SELENOK: variants seen among roughly 807,000 people sequenced by gnomAD.
SELENOK encodes the protein selenoprotein K.
SELENOK carries 11 observed loss-of-function variants against 17.3 expected under a neutral mutation model. The ratio of observed to expected loss-of-function variants is 0.63; its 90% confidence interval spans 0.40 to 1.05. SELENOK has a LOEUF of 1.05. Ranked by LOEUF, SELENOK falls within the 50% of genes least tolerant of loss-of-function variation. The pLI, the probability that SELENOK is intolerant of heterozygous loss-of-function variation, is 0.00. For synonymous variants in SELENOK, 45 were observed against 35.4 expected (o/e 1.27, Z -0.97); for missense variants, 125 against 113.9 (o/e 1.10, Z -0.44).
At chr3:53,888,137 A>G in intron 2 of SELENOK, 1 of 302,472 alleles carries the variant, frequency 3.3e-6, no homozygotes, top group Non-Finnish European at 6.1e-6. Flanking sequence ...ACCCAGCCAT[A>G]GGTTGAAGTA....
intron 1 of SELENOK, among the ~76,000 whole-genome samples, chr3:53,890,457 G>T (rs1226074649): frequency 6.6e-6 from 1 of 152,166 alleles, no homozygotes; most frequent in African/African-American, 2.4e-5. Flanking sequence ...TATCCCCAGA[G>T]AGAAGTAAGG....
At position 53,888,458 on chromosome 3, in the gene SELENOK, C is replaced by T; in HGVS notation, c.45G>A (p.Gln15=). 1 of 1,611,318 alleles carries T rather than the reference C, an allele frequency of 6.2e-7. No individual in the cohort carries two copies. Among genetic ancestry groups the T allele is most frequent in the Non-Finnish European group, 8.5e-7 (1 of 1,179,144 alleles). The part of the protein sequence containing the change: ...SNGQVLDSRS[Q]SPWRLSLITD... ...TTATCAAAGATAATCTCCATGGAGA[C>T]TGACTCCGGCTGTCCAACACTTGTC... The change falls in exon 2 of 5, where the codon CAG becomes CAA. Residue 15 remains glutamine (Q), a synonymous_variant. Coordinates refer to ENST00000495461, the MANE Select transcript of SELENOK (RefSeq NM_021237.5).
rs554372634 is a variant in SELENOK, at chr3:53,887,426, T to C, written c.111-492A>G. On this transcript the variant is annotated intron_variant, in intron 2 of 4. Transcript: ENST00000495461. ...AAGTACTTTTATAAACAACATGGAG[T>C]AGGTGAAATTTGTAAAAGAGTTAAG... 7.6e-4 allele frequency among the ~76,000 whole-genome samples: 115 copies of C among 152,252 alleles called. 1 individual carries two copies. Among genetic ancestry groups the C allele is most frequent in the Middle Eastern group, 3.4e-3 (1 of 292 alleles).
In SELENOK at chr3:53,888,234, T is replaced by A. The variant is rs574829933; in HGVS notation, c.110+159A>T. On this transcript the variant is annotated intron_variant, in intron 2 of 4. Coordinates refer to ENST00000495461, the MANE Select transcript of SELENOK (RefSeq NM_021237.5). The stretch of plus-strand genomic sequence containing the variant: ...ATAAGCTATCTGGTGGTAGCAACTT[T>A]ATCACTAACATCTATTTCCCTGTGT... 1.0e-5 allele frequency: 6 copies of A among 572,016 alleles called. No individual in the cohort carries two copies. The African/African-American group carries it at 1.1e-4, about 11-fold the overall frequency. 35.4% of individuals were successfully genotyped at this position (572,016 alleles called of 1,614,324 possible). A position where few individuals can be genotyped will look rare whatever the true frequency, so the allele number is the denominator to read the frequency against.
At chr3:53,886,216 C>A (rs1700124692) in intron 3 of SELENOK, among the ~76,000 whole-genome samples, 1 of 152,158 alleles carries the variant, frequency 6.6e-6, no homozygotes, top group African/African-American at 2.4e-5. Flanking sequence ...ATAAGCCTAG[C>A]CCAGTGCTAC....
intron 1 of SELENOK, chr3:53,890,938 G>C (rs1428456565): frequency 1.3e-5 from 2 of 152,342 alleles, no homozygotes; most frequent in East Asian, 3.9e-4. Context: ...GAGTCAAACA[G>C]GTGGGCAGGC....
chr3:53,888,544 C>T lies in SELENOK; in HGVS notation c.20-61G>A, dbSNP rs150968318. ...TACAAATCCCTAACCCAAGAGGCAT[C>T]ACATTTAATTATTGAGGTAACAATG... On this transcript the variant is annotated intron_variant, in intron 1 of 4. Transcript: ENST00000495461. 16 of 1,125,838 alleles carry T rather than the reference C, an allele frequency of 1.4e-5. No individual in the cohort carries two copies. In the African/African-American group the frequency reaches 2.0e-4, roughly 14 times the overall value. 69.7% of individuals were successfully genotyped at this position (1,125,838 alleles called of 1,614,324 possible).
At chr3:53,886,978 A>G (rs1443132377) in intron 2 of SELENOK, 44 bp from the exon 3 acceptor site, 4 of 1,382,460 alleles carry the variant, frequency 2.9e-6, no homozygotes, top group Middle Eastern at 1.8e-4. Context: ...ACTTTTGACA[A>G]CATTCTAAAA....
At chr3:53,885,970 T>C in intron 3 of SELENOK, 58 bp from the exon 4 acceptor site, 2 of 1,161,846 alleles carry the variant, frequency 1.7e-6, no homozygotes, top group Non-Finnish European at 2.4e-6. Context: ...AATTGTCTCC[T>C]TTTAAAAGCA....
In SELENOK at chr3:53,885,546, T is replaced by TA. The variant is rs770210925; in HGVS notation, c.*11dup. On this transcript the variant is annotated 3_prime_UTR_variant, in exon 5 of 5. Coordinates refer to ENST00000495461, the MANE Select transcript of SELENOK (RefSeq NM_021237.5). ...TGCGCATGTCCGGTTGTCTGCTTCT[T>TA]AGAGCAGACATTTACCTGAAAGAAA... 6.2e-7 allele frequency: 1 copy of TA among 1,610,096 alleles called. No individual in the cohort carries two copies. Among genetic ancestry groups the TA allele is most frequent in the East Asian group, 2.2e-5 (1 of 44,854 alleles).
At chr3:53,885,673 G>A in intron 4 of SELENOK, 112 bp from the exon 5 acceptor site, 1 of 1,294,388 alleles carries the variant, frequency 7.7e-7, no homozygotes, top group South Asian at 1.3e-5. Flanking sequence ...TTGATAACAA[G>A]GCCAGTGAAT....
chr3:53,890,483 G>C (rs1312422057), intron 1 of SELENOK, among the ~76,000 whole-genome samples: 1 of 152,194 alleles, frequency 6.6e-6, no homozygotes, highest in Non-Finnish European at 1.5e-5. Flanking sequence ...GAATGCAGTT[G>C]TGTTTCTCAA....
intron 1 of SELENOK, among the ~76,000 whole-genome samples, chr3:53,891,473 A>G (rs1157910468): frequency 2.0e-5 from 3 of 152,114 alleles, no homozygotes; most frequent in Non-Finnish European, 4.4e-5. Flanking sequence ...GACACCCGAG[A>G]GAGGAAAGAC....
At chr3:53,891,650 G>A in intron 1 of SELENOK, 120 bp downstream of exon 1, 3 of 1,345,726 alleles carry the variant, frequency 2.2e-6, no homozygotes, top group East Asian at 2.4e-5. Context: ...CCGCCCGGCC[G>A]CGGGGCGCTA....
At chr3:53,886,273 T>C (rs960749118) in intron 3 of SELENOK, among the ~76,000 whole-genome samples, 14 of 152,138 alleles carry the variant, frequency 9.2e-5, no homozygotes, top group Non-Finnish European at 1.9e-4. Flanking sequence ...AGTCCCACTC[T>C]GTCTCCAGGC....
chr3:53,885,849 A>C lies in SELENOK; in HGVS notation c.258T>G (p.Pro86=). ...ACCTTCCTCATCCACCAGCCATTGGAGGGGGACTAGGGCCACGCAGATGAT... is the reference window on the plus strand; with the variant it reads ...ACCTTCCTCATCCACCAGCCATTGGCGGGGGACTAGGGCCACGCAGATGAT... ...RINHLRGPSP[P]PMAGGUGR Residue 86 remains proline, a synonymous_variant, in exon 4 of 5, where the codon CCT becomes CCG. Transcript: ENST00000495461. 6.3e-7 allele frequency: 1 copy of C among 1,591,122 alleles called. No homozygotes were observed. The highest frequency in any genetic ancestry group is 1.3e-5 in the African/African-American group (1 of 74,530).
chr3:53,888,343 A>T, intron 2 of SELENOK, 50 bp downstream of exon 2: 1 of 1,154,926 alleles, frequency 8.7e-7, no homozygotes. Context: ...CACATGATGT[A>T]TACCTGTCAA....
rs184493821 is a variant in SELENOK at position 53,884,666 on chromosome 3, G to T, written c.*892C>A. On this transcript the variant is annotated 3_prime_UTR_variant, in exon 5 of 5. Coordinates refer to ENST00000495461, the MANE Select transcript of SELENOK (RefSeq NM_021237.5). ...AGCCCATGGTTTTATTTATTTTTTT[G>T]AGACAGGGTCTCACTCTGTTGCCTA... 6.6e-6 allele frequency: 1 copy of T among 152,222 alleles called. No homozygotes were observed. The highest frequency in any genetic ancestry group is 6.5e-5 in the Admixed American group (1 of 15,278). The allele number at this position is 152,222 out of a possible 1,614,324, so 9.4% of individuals were successfully genotyped here. A position where few individuals can be genotyped will look rare whatever the true frequency, so the allele number is the denominator to read the frequency against.
rs1336352802 is a variant in SELENOK at position 53,884,863 on chromosome 3, A to C, written c.*695T>G. On this transcript the variant is annotated 3_prime_UTR_variant, in exon 5 of 5. Coordinates refer to ENST00000495461, the MANE Select transcript of SELENOK (RefSeq NM_021237.5). ...AGGCTGGTCTCAAACTCGTGAACTT[A>C]GGCGATCTGCCCGCCTCAGCCTCCC... is the stretch of plus-strand genomic sequence containing the variant. 1.3e-5 allele frequency: 2 copies of C among 152,252 alleles called. No homozygotes were observed. The highest frequency in any genetic ancestry group is 4.8e-5 in the African/African-American group (2 of 41,468). The allele number at this position is 152,252 out of a possible 1,614,324, so 9.4% of individuals were successfully genotyped here. A position where few individuals can be genotyped will look rare whatever the true frequency, so the allele number is the denominator to read the frequency against.
Sources: gnomAD v4.1 joint callset for allele counts (sites outside exome capture counted in the v4.1 genomes callset) on GRCh38, gnomAD v4.1.1 for gene constraint, MANE v1.5 for transcripts, NCBI Gene and HGNC (gene_info 2026-07-23, HGNC 2026-07-21) for gene names.